The following GBF1 variants were observed in gnomAD, a reference collection of about 807,000 sequenced individuals.
The protein encoded by GBF1 is Golgi-specific brefeldin A-resistance guanine nucleotide exchange factor 1.
In GBF1, 114 loss-of-function variants were observed where a neutral mutation model predicts 210.5. That is an observed-to-expected ratio of 0.54 (90% CI 0.47 to 0.63). GBF1 has a LOEUF of 0.63. Among genes scored for constraint, GBF1 ranks in the 30% least tolerant of loss-of-function variants. The pLI is 0.00. For missense variants in GBF1, 1,851 were observed against 2,357.7 expected (o/e 0.79, Z 4.45); for synonymous variants, 850 against 889.2 (o/e 0.96, Z 0.78).
intron 3 of GBF1, among the ~76,000 whole-genome samples, chr10:102,314,437 G>A (rs1589603254): frequency 6.6e-6 from 1 of 152,112 alleles, no homozygotes; most frequent in African/African-American, 2.4e-5. Flanking sequence ...ATGAGCCACC[G>A]CACCCAGCAA....
intron 1 of GBF1, among the ~76,000 whole-genome samples, chr10:102,252,338 CAAA>C (rs1290728672): frequency 1.3e-4 from 11 of 83,604 alleles, no homozygotes; most frequent in Admixed American, 1.2e-4. Context: ...AACGCTGTCT[CAAA>C]AAAAAAAAAA....
chr10:102,305,858 A>T (rs113362236), intron 3 of GBF1, among the ~76,000 whole-genome samples: 75 of 152,340 alleles, frequency 4.9e-4, no homozygotes, highest in African/African-American at 1.8e-3. Flanking sequence ...TACAAACATG[A>T]TCACTTTAAA....
chr10:102,327,774 A>G (rs2134265407), intron 3 of GBF1, among the ~76,000 whole-genome samples: 1 of 152,322 alleles, frequency 6.6e-6, no homozygotes, highest in Middle Eastern at 3.4e-3. Context: ...CTGGAATGCA[A>G]CTTTACCAGA....
chr10:102,379,725 CT>C, intron 35 of GBF1, 74 bp downstream of exon 35: 1 of 1,545,156 alleles, frequency 6.5e-7, no homozygotes, highest in Non-Finnish European at 8.9e-7. Context: ...TGAAGAGCCC[CT>C]AATGTGAGTC....
At chr10:102,298,298 C>T (rs2077070224) in intron 3 of GBF1, among the ~76,000 whole-genome samples, 1 of 152,114 alleles carries the variant, frequency 6.6e-6, no homozygotes, top group Non-Finnish European at 1.5e-5. Context: ...TTATCTATAC[C>T]TAGGTAATGT....
the GBF1 span, among the ~76,000 whole-genome samples, chr10:102,233,034 A>G: frequency 1.3e-5 from 2 of 152,208 alleles, no homozygotes; most frequent in African/African-American, 2.4e-5. Context: ...GCTTGTAAGC[A>G]GTGGGATTGA....
At chr10:102,352,079 G>A in intron 6 of GBF1, 128 bp downstream of exon 6, 1 of 676,764 alleles carries the variant, frequency 1.5e-6, no homozygotes. Flanking sequence ...TGCGATCATA[G>A]GGGTCTAGAA....
At chr10:102,235,166 T>TC in the GBF1 span, among the ~76,000 whole-genome samples, 238 of 58,992 alleles carry the variant, frequency 4.0e-3, no homozygotes, top group African/African-American at 6.3e-3. Context: ...TTATTACCCT[T>TC]CCCCCACCCC....
chr10:102,351,903 G>T lies in GBF1; in HGVS notation c.475G>T (p.Glu159Ter). ...CCACCTAACCAATGAATCTGTGTGTGAGATTATGCAGTCTTGCTTCCGGAT... is the reference window on the plus strand; with the variant it reads ...CCACCTAACCAATGAATCTGTGTGTTAGATTATGCAGTCTTGCTTCCGGAT... Reference protein sequence around the residue: ...GAHLTNESVCEIMQSCFRICF... With the variant: ...GAHLTNESVC The change falls in exon 6 of 40, where the codon GAG (glutamate) becomes TAG (stop). Residue 159 changes from glutamate (E) to a stop codon, truncating the protein, a stop_gained. Transcript: ENST00000369983. LOFTEE classifies it high-confidence loss of function. The T allele has an allele frequency of 6.2e-7, 1 of 1,612,232 alleles. No individual in the cohort carries two copies. Among genetic ancestry groups the T allele is most frequent in the Non-Finnish European group, 8.5e-7 (1 of 1,178,226 alleles).
chr10:102,330,224 A>G (rs1274674170), intron 3 of GBF1, among the ~76,000 whole-genome samples: 4 of 152,054 alleles, frequency 2.6e-5, no homozygotes, highest in Non-Finnish European at 1.5e-5. Flanking sequence ...GTCACAATAG[A>G]CCTGGATTCA....
chr10:102,261,935 T>C (rs914213818), intron 3 of GBF1, among the ~76,000 whole-genome samples: 1 of 152,134 alleles, frequency 6.6e-6, no homozygotes, highest in East Asian at 1.9e-4. Flanking sequence ...ATTTTCTTTT[T>C]GTGCAGTGGC....
intron 3 of GBF1, among the ~76,000 whole-genome samples, chr10:102,338,297 G>A (rs2057917597): frequency 7.0e-6 from 1 of 143,660 alleles, no homozygotes; most frequent in African/African-American, 2.6e-5. Context: ...CTGGAGTGCA[G>A]TGGTGCAGTC....
At chr10:102,317,321 C>G (rs2055905167) in intron 3 of GBF1, among the ~76,000 whole-genome samples, 2 of 152,018 alleles carry the variant, frequency 1.3e-5, no homozygotes, top group Non-Finnish European at 2.9e-5. Context: ...TAGGAAGATA[C>G]AAAAAAGTTT....
At chr10:102,286,907 A>T (rs1371423872) in intron 3 of GBF1, among the ~76,000 whole-genome samples, 2 of 151,654 alleles carry the variant, frequency 1.3e-5, no homozygotes, top group Non-Finnish European at 2.9e-5. Flanking sequence ...CCCTTAACTA[A>T]CCCCCATTTA....
chr10:102,273,125 G>T (rs559203207), intron 3 of GBF1, among the ~76,000 whole-genome samples: 1 of 152,284 alleles, frequency 6.6e-6, no homozygotes, highest in South Asian at 2.1e-4. Flanking sequence ...GGTGCATCAT[G>T]AGGTCAGGAG....
chr10:102,300,779 A>G (rs967848512), intron 3 of GBF1, among the ~76,000 whole-genome samples: 4 of 152,158 alleles, frequency 2.6e-5, no homozygotes, highest in Non-Finnish European at 5.9e-5. Context: ...CTTCTTTTAT[A>G]GCTTGTTGTA....
At chr10:102,296,666 G>A (rs1167158398) in intron 3 of GBF1, among the ~76,000 whole-genome samples, 1 of 151,900 alleles carries the variant, frequency 6.6e-6, no homozygotes, top group East Asian at 1.9e-4. Context: ...GCTTGAACCC[G>A]GGAGGTGGAG....
At chr10:102,309,005 T>C (rs1407263727) in intron 3 of GBF1, among the ~76,000 whole-genome samples, 2 of 152,184 alleles carry the variant, frequency 1.3e-5, no homozygotes. Context: ...TTTGGAGGGA[T>C]TGCAACTGGA....
chr10:102,245,463 T>G (rs925369709), upstream of GBF1: 1 of 152,240 alleles, frequency 6.6e-6, no homozygotes. Flanking sequence ...CTTTTCACGG[T>G]GCAAAGCTAT....
Sources: gnomAD v4.1 joint callset for allele counts (sites outside exome capture counted in the v4.1 genomes callset) on GRCh38, gnomAD v4.1.1 for gene constraint, MANE v1.5 for transcripts, NCBI Gene and HGNC (gene_info 2026-07-23, HGNC 2026-07-21) for gene names.